Variants in ST8SIA2 observed in about 807,000 individuals in gnomAD.
ST8SIA2 encodes alpha-2,8-sialyltransferase 8B.
A neutral mutation model predicts 37.6 loss-of-function variants in ST8SIA2; 22 were observed. The observed-to-expected ratio is 0.58, with a 90% CI of 0.42 to 0.83. ST8SIA2 has a LOEUF of 0.83. ST8SIA2 is among the 40% of genes least tolerant of loss of function. The pLI is 0.00. For synonymous variants in ST8SIA2, 205 were observed against 201.2 expected (o/e 1.02, Z -0.16); for missense variants, 382 against 484.7 (o/e 0.79, Z 1.99).
At chr15:92,429,939 C>G in intron 1 of ST8SIA2, 110 bp from the exon 2 acceptor site, 1 of 1,197,222 alleles carries the variant, frequency 8.4e-7, no homozygotes. Flanking sequence ...AATGAGGTCT[C>G]TTCCACCCTC....
chr15:92,448,659 G>A (rs1320496628), intron 5 of ST8SIA2, among the ~76,000 whole-genome samples: 1 of 152,210 alleles, frequency 6.6e-6, no homozygotes, highest in Non-Finnish European at 1.5e-5. Flanking sequence ...TGTGATTGTG[G>A]CAGCTGCCAC....
intron 5 of ST8SIA2, among the ~76,000 whole-genome samples, chr15:92,456,868 G>A (rs541680377): frequency 2.4e-4 from 36 of 152,334 alleles, no homozygotes; most frequent in Non-Finnish European, 4.6e-4. Context: ...TTGAGCAAGA[G>A]TGTTGGCTTA....
chr15:92,433,047 T>C (rs763166085), intron 2 of ST8SIA2, among the ~76,000 whole-genome samples: 2 of 152,056 alleles, frequency 1.3e-5, no homozygotes, highest in Non-Finnish European at 2.9e-5. Context: ...GGAGAATTGC[T>C]TGAGCCTGGG....
At chr15:92,451,139 A>G (rs1815117654) in intron 5 of ST8SIA2, among the ~76,000 whole-genome samples, 1 of 152,196 alleles carries the variant, frequency 6.6e-6, no homozygotes, top group African/African-American at 2.4e-5. Flanking sequence ...AAGTTAGGTC[A>G]TTTGTATGAG....
chr15:92,438,605 C>A lies in ST8SIA2; in HGVS notation c.543C>A (p.Val181=), dbSNP rs1268097296. The A allele has an allele frequency of 6.2e-7, 1 of 1,605,218 alleles. No individual in the cohort carries two copies. The highest frequency in any genetic ancestry group is 1.3e-5 in the African/African-American group (1 of 74,458). ...CGQEIDAHSF[V]IRCNLAPVQE... is the part of the protein sequence containing the mutation. ...AGGAGATTGACGCCCACAGCTTCGT[C>A]ATCAGGTAACATGCCCCAGCAGGCA... Residue 181 remains valine (V), a synonymous_variant, in exon 4 of 6, where the codon GTC becomes GTA. Coordinates refer to ENST00000268164, the MANE Select transcript of ST8SIA2 (RefSeq NM_006011.4).
chr15:92,429,342 C>T lies in ST8SIA2; in HGVS notation c.99-707C>T, dbSNP rs147603524. The stretch of plus-strand genomic sequence containing the variant: ...ACGTGTCAGTGAAGCGGGATGAAAC[C>T]GTGTGGCCAGACAGAATGGGATTTG... On this transcript the variant is annotated intron_variant, in intron 1 of 5. Transcript: ENST00000268164. 2.3e-3 allele frequency among the ~76,000 whole-genome samples: 352 copies of T among 152,194 alleles called. 1 individual carries two copies. The highest frequency in any genetic ancestry group is 7.9e-3 in the African/African-American group (330 of 41,514).
intron 3 of ST8SIA2, among the ~76,000 whole-genome samples, chr15:92,436,517 A>T (rs922744873): frequency 6.6e-6 from 1 of 152,242 alleles, no homozygotes; most frequent in Non-Finnish European, 1.5e-5. Flanking sequence ...ATGATGTTTA[A>T]TAATTGATGG....
chr15:92,431,094 G>A (rs866831124), intron 2 of ST8SIA2, among the ~76,000 whole-genome samples: 5 of 152,148 alleles, frequency 3.3e-5, no homozygotes, highest in Admixed American at 1.3e-4. Flanking sequence ...AATGAAGCCC[G>A]TGTTATGCCA....
At chr15:92,433,594 T>G (rs924259241) in intron 2 of ST8SIA2, among the ~76,000 whole-genome samples, 2 of 152,190 alleles carry the variant, frequency 1.3e-5, no homozygotes, top group Non-Finnish European at 2.9e-5. Context: ...CCGGGATCGA[T>G]TTCAACCTAA....
At position 92,444,741 on chromosome 15, in the gene ST8SIA2, C is replaced by T. The variant is rs772042632; in HGVS notation, c.654C>T (p.Val218=). The change falls in exon 5 of 6, where the codon GTC becomes GTT. Residue 218 remains valine (V), a synonymous_variant. Transcript: ENST00000268164. ...TCCAGCGGGCCTTTGAGGACTTGGTCAATGCCACGTGGCGGGAGAAGCTGC... is the reference window on the plus strand; with the variant it reads ...TCCAGCGGGCCTTTGAGGACTTGGTTAATGCCACGTGGCGGGAGAAGCTGC... ...SVIQRAFEDL[V]NATWREKLLQ... The T allele has an allele frequency of 1.2e-6, 2 of 1,614,230 alleles. No individual in the cohort carries two copies. The highest frequency in any genetic ancestry group is 8.5e-7 in the Non-Finnish European group (1 of 1,180,040).
chr15:92,428,223 C>G (rs1322956665), intron 1 of ST8SIA2, among the ~76,000 whole-genome samples: 1 of 151,968 alleles, frequency 6.6e-6, no homozygotes, highest in Non-Finnish European at 1.5e-5. Context: ...AAAGATGGGT[C>G]TGTTTTAAAA....
rs1290956416 is a variant in ST8SIA2 at position 92,393,985 on chromosome 15, G to T, written c.-80G>T. The T allele has an allele frequency of 2.0e-6, 2 of 1,014,330 alleles. No homozygotes were observed. Among genetic ancestry groups the T allele is most frequent in the Non-Finnish European group, 2.7e-6 (2 of 753,178 alleles). The allele number at this position is 1,014,330 out of a possible 1,614,324, so 62.8% of individuals were successfully genotyped here. ...GCCCAGCTGCGCGCGGCGCGCGGAG[G>T]CTCCGGCGTCCGCCGCTGCGCCCTC... is the stretch of plus-strand genomic sequence containing the variant. On this transcript the variant is annotated 5_prime_UTR_variant, in exon 1 of 6. Transcript: ENST00000268164.
At chr15:92,448,241 G>A (rs1052869646) in intron 5 of ST8SIA2, among the ~76,000 whole-genome samples, 1 of 152,228 alleles carries the variant, frequency 6.6e-6, no homozygotes, top group African/African-American at 2.4e-5. Flanking sequence ...GGAGAAGAAG[G>A]GGAAAAGGAG....
chr15:92,452,611 T>C (rs2049889610), intron 5 of ST8SIA2, among the ~76,000 whole-genome samples: 1 of 152,138 alleles, frequency 6.6e-6, no homozygotes, highest in African/African-American at 2.4e-5. Context: ...GATGGAGAAG[T>C]AGAACTGGAA....
At chr15:92,400,780 C>A (rs565949221) in intron 1 of ST8SIA2, among the ~76,000 whole-genome samples, 1 of 152,208 alleles carries the variant, frequency 6.6e-6, no homozygotes, top group East Asian at 1.9e-4. Context: ...GACAGCCGGC[C>A]CCGTCTACCT....
intron 1 of ST8SIA2, among the ~76,000 whole-genome samples, chr15:92,396,969 A>T (rs1596225909): frequency 6.6e-6 from 1 of 152,166 alleles, no homozygotes; most frequent in Non-Finnish European, 1.5e-5. Flanking sequence ...AGGCTTTTGC[A>T]CCAGCCCTGC....
At chr15:92,443,056 T>C (rs141665559) in intron 4 of ST8SIA2, among the ~76,000 whole-genome samples, 29 of 152,214 alleles carry the variant, frequency 1.9e-4, no homozygotes, top group South Asian at 8.3e-4. Flanking sequence ...TCAAAAAATA[T>C]TAGTTTTCTT....
At chr15:92,441,622 C>G (rs565160790) in intron 4 of ST8SIA2, among the ~76,000 whole-genome samples, 14 of 150,218 alleles carry the variant, frequency 9.3e-5, no homozygotes, top group African/African-American at 3.5e-4. Flanking sequence ...CACACACACG[C>G]ACTTCTTCCA....
intron 5 of ST8SIA2, among the ~76,000 whole-genome samples, chr15:92,448,729 G>T (rs993703691): frequency 6.6e-6 from 1 of 152,200 alleles, no homozygotes; most frequent in Non-Finnish European, 1.5e-5. Context: ...GGACTCAAGA[G>T]TTCCAGAGGC....
Sources: allele counts gnomAD v4.1 joint callset (sites outside exome capture counted in the v4.1 genomes callset), GRCh38; gene constraint gnomAD v4.1.1; transcripts MANE v1.5; gene names NCBI Gene and HGNC (gene_info 2026-07-23, HGNC 2026-07-21).